TANGO6: variants seen among roughly 807,000 people sequenced by gnomAD.
The protein encoded by TANGO6 is transport and Golgi organization protein 6 homolog.
A neutral mutation model predicts 114.2 loss-of-function variants in TANGO6; 90 were observed. The ratio of observed to expected loss-of-function variants is 0.79; its 90% CI spans 0.66 to 0.94. The LOEUF (loss-of-function observed/expected upper bound fraction) is 0.94. Among genes scored for constraint, TANGO6 ranks in the 40% least tolerant of loss-of-function variants. The probability of loss-of-function intolerance (pLI) is 0.00; values close to 1 mark genes in which losing one functional copy is unlikely to be tolerated. For synonymous variants in TANGO6, 477 were observed against 509.8 expected (o/e 0.94, Z 0.87); for missense variants, 1,274 against 1,315.3 (o/e 0.97, Z 0.49).
intron 14 of TANGO6, among the ~76,000 whole-genome samples, chr16:68,949,547 G>T (rs1963450156): frequency 2.0e-5 from 3 of 151,982 alleles, no homozygotes; most frequent in African/African-American, 7.3e-5. Flanking sequence ...CTTGAACCCG[G>T]GAAGCAGAGG....
intron 15 of TANGO6, among the ~76,000 whole-genome samples, chr16:68,995,665 G>A (rs992985868): frequency 6.6e-6 from 1 of 152,136 alleles, no homozygotes; most frequent in Non-Finnish European, 1.5e-5. Context: ...GCCAATTCTG[G>A]TGTTTGCCCA....
chr16:68,849,156 G>A (rs1961862712), intron 1 of TANGO6, among the ~76,000 whole-genome samples: 4 of 152,206 alleles, frequency 2.6e-5, no homozygotes, highest in South Asian at 4.2e-4. Context: ...CCAACATGGC[G>A]AAACCCTGTC....
chr16:68,990,254 A>T (rs576757119), intron 15 of TANGO6, among the ~76,000 whole-genome samples: 58 of 152,328 alleles, frequency 3.8e-4, no homozygotes, highest in African/African-American at 1.3e-3. Flanking sequence ...GTAATTTATA[A>T]AGAAAAAGAG....
chr16:68,875,733 C>A (rs1353639924), intron 5 of TANGO6, among the ~76,000 whole-genome samples: 1 of 150,978 alleles, frequency 6.6e-6, no homozygotes, highest in East Asian at 1.9e-4. Flanking sequence ...TGAGCCATTA[C>A]ACTCCAGCCT....
chr16:68,850,980 G>A (rs2152150693), intron 1 of TANGO6, among the ~76,000 whole-genome samples: 1 of 152,126 alleles, frequency 6.6e-6, no homozygotes, highest in Admixed American at 6.6e-5. Context: ...AGTTATCCAT[G>A]TTTCCTCCTC....
At chr16:68,980,863 C>T (rs1223442451) in intron 15 of TANGO6, among the ~76,000 whole-genome samples, 6 of 151,930 alleles carry the variant, frequency 3.9e-5, no homozygotes, top group African/African-American at 4.8e-5. Context: ...GGCATAGTGG[C>T]GGGCGCCTGT....
At chr16:69,007,791 A>C (rs1427205783) in intron 15 of TANGO6, among the ~76,000 whole-genome samples, 1 of 152,130 alleles carries the variant, frequency 6.6e-6, no homozygotes, top group East Asian at 1.9e-4. Flanking sequence ...GAAGGGTTCC[A>C]GTTTCTCCTC....
intron 16 of TANGO6, chr16:69,033,913 C>T (rs115397624): frequency 0.013 from 2,260 of 169,610 alleles, 59 homozygotes; most frequent in South Asian, 0.089. Flanking sequence ...CCCTGCCCAT[C>T]GAGGAGTGTG....
chr16:68,927,867 G>A lies in TANGO6; in HGVS notation c.2427G>A (p.Leu809=). The change falls in exon 13 of 18, where the codon CTG becomes CTA. Residue 809 remains leucine, a synonymous_variant. Transcript: ENST00000261778. ...ATGAGACAGCCCCCCAGACAGGCCT[G>A]CAGTCAAATGCTCCAATCATTCCTC... ...QSHETAPQTG[L]QSNAPIIPQG... 1 of 1,613,980 alleles carries A rather than the reference G, an allele frequency of 6.2e-7. No homozygotes were observed. Among genetic ancestry groups the A allele is most frequent in the Non-Finnish European group, 8.5e-7 (1 of 1,179,862 alleles).
At chr16:68,930,543 A>G (rs749781002) in intron 14 of TANGO6, among the ~76,000 whole-genome samples, 6 of 151,954 alleles carry the variant, frequency 3.9e-5, no homozygotes, top group Non-Finnish European at 8.8e-5. Context: ...TATTCTGTAG[A>G]TTAAATCGTA....
At position 68,848,779 on chromosome 16, in the gene TANGO6, A is replaced by G. The variant is rs117931708; in HGVS notation, c.94+5068A>G. ...GATCTTTTTTGTTGTATTATGAATC[A>G]TAGATTTTATGTATTTGATGTTTCA... On this transcript the variant is annotated intron_variant, in intron 1 of 17. Coordinates refer to ENST00000261778, the MANE Select transcript of TANGO6 (RefSeq NM_024562.2). Among the ~76,000 whole-genome samples, 380 of 152,268 alleles carry G rather than the reference A, an allele frequency of 2.5e-3. 11 individuals are homozygous for G. The East Asian group carries it at 0.063, about 25-fold the overall frequency.
intron 14 of TANGO6, among the ~76,000 whole-genome samples, chr16:68,954,232 A>G (rs1481653372): frequency 6.8e-6 from 1 of 148,032 alleles, no homozygotes; most frequent in African/African-American, 2.5e-5. Flanking sequence ...CCTGAGCAAC[A>G]GAGCAAGACT....
chr16:69,018,028 C>CA (rs148633807), intron 15 of TANGO6, among the ~76,000 whole-genome samples: 12,919 of 151,204 alleles, frequency 0.085, 638 homozygotes, highest in African/African-American at 0.13. Flanking sequence ...CTCAGCCTCC[C>CA]AAGTAGCGGG....
intron 4 of TANGO6, among the ~76,000 whole-genome samples, chr16:68,870,462 C>G (rs1324772279): frequency 6.6e-6 from 1 of 152,150 alleles, no homozygotes; most frequent in Non-Finnish European, 1.5e-5. Flanking sequence ...ATCAGTTACC[C>G]ATAAGAAGTT....
Position 68,966,770 on chromosome 16 carries a change from A to ATT in TANGO6, c.2702-7238_2702-7237dup, listed in dbSNP as rs772432410. ...AGGCATGCACCACCATGTCTGGCTA[A>ATT]TTTTTTTTTTTTTTTTTTTTTGAGA... On this transcript the variant is annotated intron_variant, in intron 14 of 17. Transcript: ENST00000261778. Among the ~76,000 whole-genome samples, 1,247 of 129,062 alleles carry ATT rather than the reference A, an allele frequency of 9.7e-3. 18 individuals carry two copies. Among genetic ancestry groups the ATT allele is most frequent in the African/African-American group, 0.031 (1,029 of 33,374 alleles). The allele number at this position is 129,062 out of a possible 152,430, so 84.7% of individuals were successfully genotyped here.
intron 17 of TANGO6, among the ~76,000 whole-genome samples, chr16:69,057,457 G>A (rs72789208): frequency 0.088 from 13,311 of 151,910 alleles, 659 homozygotes; most frequent in South Asian, 0.18. Context: ...ACAGAATTCT[G>A]CTATCCCTAT....
chr16:68,906,330 A>T (rs1962849312), intron 9 of TANGO6, among the ~76,000 whole-genome samples: 2 of 152,236 alleles, frequency 1.3e-5, no homozygotes, highest in Middle Eastern at 6.8e-3. Context: ...GGTTCCTTTC[A>T]GTTGAGACTG....
chr16:69,005,628 G>A (rs1291522235), intron 15 of TANGO6, among the ~76,000 whole-genome samples: 2 of 151,946 alleles, frequency 1.3e-5, no homozygotes, highest in East Asian at 3.9e-4. Context: ...TGAAACCCCC[G>A]TCTCTACTAA....
intron 15 of TANGO6, among the ~76,000 whole-genome samples, chr16:68,997,926 T>C (rs554190122): frequency 1.3e-5 from 2 of 152,324 alleles, no homozygotes; most frequent in African/African-American, 4.8e-5. Context: ...TTAGGGTCTC[T>C]TGTATTCAAG....
Sources: allele counts gnomAD v4.1 joint callset (sites outside exome capture counted in the v4.1 genomes callset), GRCh38; gene constraint gnomAD v4.1.1; transcripts MANE v1.5; gene names NCBI Gene and HGNC (gene_info 2026-07-23, HGNC 2026-07-21).